The following TCF4 variants were observed in gnomAD, a reference collection of about 807,000 sequenced individuals.
TCF4 encodes the protein transcription factor 4.
Under a neutral mutation model 82.1 loss-of-function variants are expected in TCF4, and 3 were observed. The observed-to-expected ratio is 0.04, with a 90% CI of 0.02 to 0.09. TCF4 has a LOEUF of 0.09. Among genes scored for constraint, TCF4 ranks in the 10% least tolerant of loss-of-function variants. TCF4 has a pLI of 1.00. For synonymous variants in TCF4, 276 were observed against 309.6 expected (o/e 0.89, Z 1.14); for missense variants, 518 against 852.7 (o/e 0.61, Z 4.89).
intron 14 of TCF4, among the ~76,000 whole-genome samples, chr18:55,255,307 G>C (rs1568479027): frequency 6.6e-6 from 1 of 152,012 alleles, no homozygotes; most frequent in African/African-American, 2.4e-5. Context: ...AATGGTTACA[G>C]AAAAAAATTA....
chr18:55,386,504 G>A (rs2092619083), intron 6 of TCF4, among the ~76,000 whole-genome samples: 1 of 152,128 alleles, frequency 6.6e-6, no homozygotes, highest in African/African-American at 2.4e-5. Flanking sequence ...GCAATCTACA[G>A]TTTTGTAGTT....
Position 55,635,796 on chromosome 18 carries a change from T to C in TCF4, c.102A>G (p.Glu34=), listed in dbSNP as rs775348334. 43 of 1,552,458 alleles carry C rather than the reference T, an allele frequency of 2.8e-5. No homozygotes were observed. Among genetic ancestry groups the C allele is most frequent in the Non-Finnish European group, 3.5e-5 (40 of 1,147,938 alleles). Residue 34 remains glutamate (E), a synonymous_variant, in exon 1 of 21, where the codon GAA becomes GAG. Transcript: ENST00000398339. ...AAGTTTTAAAAAATGATGGCTGGCTTTCAACTGCACCCTCCATCTTTGAGT... is the reference window on the plus strand; with the variant it reads ...AAGTTTTAAAAAATGATGGCTGGCTCTCAACTGCACCCTCCATCTTTGAGT...
At chr18:55,245,595 G>A (rs997102800) in intron 15 of TCF4, among the ~76,000 whole-genome samples, 2 of 152,216 alleles carry the variant, frequency 1.3e-5, no homozygotes, top group African/African-American at 4.8e-5. Flanking sequence ...GCAAGGACTG[G>A]TATCATCAGG....
intron 15 of TCF4, among the ~76,000 whole-genome samples, chr18:55,244,489 C>A (rs1173826186): frequency 1.3e-5 from 2 of 152,112 alleles, no homozygotes; most frequent in East Asian, 3.9e-4. Flanking sequence ...TGGCTATGTT[C>A]AAAAATACTC....
At chr18:55,322,197 G>C (rs1163215898) in intron 8 of TCF4, 1 of 1,059,832 alleles carries the variant, frequency 9.4e-7, no homozygotes, top group Non-Finnish European at 1.1e-6. Flanking sequence ...AGTGGAACAG[G>C]GTCCATTATT....
At chr18:55,322,203 T>C in intron 8 of TCF4, 5 of 1,061,360 alleles carry the variant, frequency 4.7e-6, no homozygotes, top group Non-Finnish European at 5.7e-6. Flanking sequence ...ACAGGGTCCA[T>C]TATTGAGCAG....
chr18:55,519,606 A>C (rs1230625868), intron 3 of TCF4, among the ~76,000 whole-genome samples: 1 of 152,190 alleles, frequency 6.6e-6, no homozygotes, highest in Non-Finnish European at 1.5e-5. Flanking sequence ...AATAAAGCCT[A>C]TGTAAATTCA....
At chr18:55,282,011 C>T (rs1002842604) in intron 8 of TCF4, among the ~76,000 whole-genome samples, 19 of 151,870 alleles carry the variant, frequency 1.3e-4, no homozygotes, top group African/African-American at 2.2e-4. Flanking sequence ...TAATAGGCAA[C>T]GGACCACTGT....
At chr18:55,356,044 G>A (rs1353930157) in intron 6 of TCF4, among the ~76,000 whole-genome samples, 1 of 152,046 alleles carries the variant, frequency 6.6e-6, no homozygotes, top group East Asian at 1.9e-4. Flanking sequence ...TGTAAAAAGG[G>A]ACTAATAAGA....
chr18:55,327,610 C>A (rs2076787561), intron 8 of TCF4, among the ~76,000 whole-genome samples: 1 of 151,980 alleles, frequency 6.6e-6, no homozygotes, highest in East Asian at 1.9e-4. Context: ...TATTTATTTT[C>A]TGAGTGACTG....
chr18:55,294,466 C>T (rs189715149), intron 8 of TCF4, among the ~76,000 whole-genome samples: 109 of 152,236 alleles, frequency 7.2e-4, no homozygotes, highest in Non-Finnish European at 1.3e-3. Context: ...TCCTTTCCTT[C>T]ACTTACAAAG....
In TCF4 at chr18:55,324,496, A is replaced by G. The variant is rs866978050; in HGVS notation, c.549+25863T>C. Among the ~76,000 whole-genome samples the G allele has an allele frequency of 8.5e-5, 13 of 152,312 alleles. No individual in the cohort carries two copies. In the South Asian group the frequency reaches 1.5e-3, roughly 17 times the overall value. ...AGAACAGAAGTATAAGAACAACTGA[A>G]GCTATATGCATAAATCCATGTGTTT... On this transcript the variant is annotated intron_variant, in intron 8 of 19. Coordinates refer to ENST00000354452, the MANE Select transcript of TCF4 (RefSeq NM_001083962.2).
At chr18:55,265,571 C>G (rs184292174) in intron 11 of TCF4, 2 of 152,138 alleles carry the variant, frequency 1.3e-5, no homozygotes, top group Non-Finnish European at 1.5e-5. Context: ...AACTAAGATG[C>G]CTTCACATTG....
intron 15 of TCF4, among the ~76,000 whole-genome samples, chr18:55,240,976 C>T (rs2051020378): frequency 6.6e-6 from 1 of 152,124 alleles, no homozygotes; most frequent in South Asian, 2.1e-4. Flanking sequence ...TAAGGTAATT[C>T]CTTATTGTGC....
Position 55,463,763 on chromosome 18 carries a change from A to G in TCF4, c.207+313T>C, listed in dbSNP as rs182031388. On this transcript the variant is annotated intron_variant, in intron 4 of 19. Coordinates refer to ENST00000354452, the MANE Select transcript of TCF4 (RefSeq NM_001083962.2). ...GTAATATGGATCAATAACTGACAAA[A>G]GAAAGACCAAACATGTAACGAAGGA... 2.6e-4 allele frequency among the ~76,000 whole-genome samples: 39 copies of G among 152,358 alleles called. No individual in the cohort carries two copies. The East Asian group carries it at 6.9e-3, about 27-fold the overall frequency.
At chr18:55,554,310 A>G (rs1171809455) in intron 3 of TCF4, among the ~76,000 whole-genome samples, 1 of 152,040 alleles carries the variant, frequency 6.6e-6, no homozygotes. Flanking sequence ...TCTATTGAGA[A>G]AGCAGAAAAA....
intron 5 of TCF4, among the ~76,000 whole-genome samples, chr18:55,414,646 C>T (rs1214605455): frequency 1.3e-5 from 2 of 152,156 alleles, no homozygotes; most frequent in African/African-American, 4.8e-5. Context: ...CCCTGGCCTT[C>T]ACTACCAGGA....
At chr18:55,401,928 C>T (rs1053197234) in intron 6 of TCF4, 17 of 854,388 alleles carry the variant, frequency 2.0e-5, no homozygotes, top group Middle Eastern at 6.0e-4. Context: ...TAATGACCTC[C>T]GCCTTGACCC....
Position 55,228,377 on chromosome 18 carries a change from G to A in TCF4, c.1880-16C>T, listed in dbSNP as rs1444178056. On this transcript the variant is annotated splice_polypyrimidine_tract_variant and intron_variant, in intron 18 of 19. Coordinates refer to ENST00000354452, the MANE Select transcript of TCF4 (RefSeq NM_001083962.2). ...AGATTCCTTTCTGTGGAGGATTAAA[G>A]CACAGAACCTTTGTTTAATGCTGAG... is the stretch of plus-strand genomic sequence containing the variant. 1.2e-6 allele frequency: 2 copies of A among 1,613,214 alleles called. No homozygotes were observed. Among genetic ancestry groups the A allele is most frequent in the Non-Finnish European group, 1.7e-6 (2 of 1,180,016 alleles).
Sources: allele counts gnomAD v4.1 joint callset (sites outside exome capture counted in the v4.1 genomes callset), GRCh38; gene constraint gnomAD v4.1.1; transcripts MANE v1.5; gene names NCBI Gene and HGNC (gene_info 2026-07-23, HGNC 2026-07-21).